The following ABCC1 variants were observed in gnomAD, a reference collection of about 807,000 sequenced individuals.
ABCC1 encodes multidrug resistance-associated protein 1.
Under a neutral mutation model 172.9 loss-of-function variants are expected in ABCC1, and 83 were observed. That is an observed-to-expected ratio of 0.48 (90% CI 0.40 to 0.58). The LOEUF (loss-of-function observed/expected upper bound fraction) is 0.58, where lower values mean the gene tolerates loss of function less well. ABCC1 is among the 20% of genes least tolerant of loss of function. The pLI, the probability that ABCC1 is intolerant of heterozygous loss-of-function variation, is 0.00. For synonymous variants in ABCC1, 937 were observed against 825.2 expected (o/e 1.14, Z -2.32); for missense variants, 1,817 against 2,002.7 (o/e 0.91, Z 1.77).
chr16:15,982,286 A>C (rs1308085314), intron 1 of ABCC1, among the ~76,000 whole-genome samples: 1 of 152,132 alleles, frequency 6.6e-6, no homozygotes, highest in Non-Finnish European at 1.5e-5. Context: ...GCTGCTATAA[A>C]GAACTGCCCA....
chr16:16,098,904 T>G (rs779585905), intron 19 of ABCC1: 1 of 1,352,054 alleles, frequency 7.4e-7, no homozygotes, highest in Non-Finnish European at 9.8e-7. Flanking sequence ...AGGAAGCAGG[T>G]CAGTACTGCC....
Position 16,132,026 on chromosome 16 carries a change from T to C in ABCC1, c.3966+91T>C, listed in dbSNP as rs2045696715. The stretch of plus-strand genomic sequence containing the variant: ...GAACCTAGCTGCAGCGTCTCCCCAG[T>C]CACTCACGGCTCCACACCTTTGCTT... On this transcript the variant is annotated intron_variant, in intron 27 of 30. Coordinates refer to ENST00000399410, the MANE Select transcript of ABCC1 (RefSeq NM_004996.4). 2.0e-6 allele frequency: 3 copies of C among 1,496,970 alleles called. No individual in the cohort carries two copies. In the Admixed American group the frequency reaches 5.7e-5, roughly 28 times the overall value. The allele number at this position is 1,496,970 out of a possible 1,614,324, so 92.7% of individuals were successfully genotyped here. A position where few individuals can be genotyped will look rare whatever the true frequency, so the allele number is the denominator to read the frequency against.
intron 1 of ABCC1, among the ~76,000 whole-genome samples, chr16:15,981,803 G>A (rs215056): frequency 0.63 from 96,170 of 151,982 alleles, 31,336 homozygotes; most frequent in South Asian, 0.73. Flanking sequence ...CCAGAAAATG[G>A]GTTTTTCTTT....
intron 3 of ABCC1, among the ~76,000 whole-genome samples, chr16:16,013,906 G>A (rs1183805015): frequency 6.6e-6 from 1 of 152,150 alleles, no homozygotes; most frequent in Non-Finnish European, 1.5e-5. Flanking sequence ...AGAGATGGCC[G>A]AGGCAGAGAG....
At position 16,015,131 on chromosome 16, in the gene ABCC1, C is replaced by CTTTT. The variant is rs10694441; in HGVS notation, c.489+518_489+521dup. Among the ~76,000 whole-genome samples the CTTTT allele has an allele frequency of 8.6e-3, 1,072 of 124,492 alleles. 24 individuals are homozygous for CTTTT. Among genetic ancestry groups the CTTTT allele is most frequent in the Middle Eastern group, 0.026 (6 of 234 alleles). 81.7% of individuals were successfully genotyped at this position (124,492 alleles called of 152,430 possible). ...TGCTAGGAATTTTGAGGAGTGTGCACTTTTTTTTTTTTTTTTTTGCTGTTG... is the reference window on the plus strand; with the variant it reads ...TGCTAGGAATTTTGAGGAGTGTGCACTTTTTTTTTTTTTTTTTTTTTTGCTGTTG... On this transcript the variant is annotated intron_variant, in intron 4 of 30. Transcript: ENST00000399410.
chr16:16,010,137 G>A (rs558253872), intron 3 of ABCC1, among the ~76,000 whole-genome samples: 1 of 134,478 alleles, frequency 7.4e-6, no homozygotes, highest in South Asian at 2.4e-4. Context: ...TCAAACTTCT[G>A]GCCTCAAGCA....
At chr16:15,997,275 T>C (rs2047090509) in intron 1 of ABCC1, among the ~76,000 whole-genome samples, 1 of 152,052 alleles carries the variant, frequency 6.6e-6, no homozygotes, top group South Asian at 2.1e-4. Context: ...GTATTTTTAG[T>C]AGAGACGGGG....
At chr16:16,133,372 T>TTTTTAGTTTTTG (rs1555504065) in intron 27 of ABCC1, among the ~76,000 whole-genome samples, 3 of 148,556 alleles carry the variant, frequency 2.0e-5, no homozygotes, top group African/African-American at 7.4e-5. Context: ...CTTGCTGTCT[T>TTTTTAGTTTTTG]TTTTTGTTTT....
At chr16:16,081,254 C>A (rs2050794697) in intron 16 of ABCC1, among the ~76,000 whole-genome samples, 1 of 152,120 alleles carries the variant, frequency 6.6e-6, no homozygotes, top group African/African-American at 2.4e-5. Context: ...TGGTTGGGTC[C>A]AAATTAATGA....
At chr16:16,129,586 G>A (rs2045595907) in intron 26 of ABCC1, among the ~76,000 whole-genome samples, 1 of 149,436 alleles carries the variant, frequency 6.7e-6, no homozygotes, top group South Asian at 2.1e-4. Flanking sequence ...CACCCAGACT[G>A]GAGTGTAGTG....
chr16:16,027,474 T>TC (rs908557529), intron 5 of ABCC1, among the ~76,000 whole-genome samples: 31 of 151,984 alleles, frequency 2.0e-4, no homozygotes, highest in Non-Finnish European at 4.4e-4. Context: ...TGGGGTTTTT[T>TC]CCCCCCCAAA....
chr16:16,034,787 T>C (rs1316551835), intron 6 of ABCC1, among the ~76,000 whole-genome samples: 1 of 151,726 alleles, frequency 6.6e-6, no homozygotes, highest in Non-Finnish European at 1.5e-5. Flanking sequence ...GGAGTTTCAC[T>C]GTGTTGTCCA....
chr16:16,068,025 C>T (rs569230223), intron 12 of ABCC1, 131 bp from the exon 13 acceptor site: 18 of 1,006,400 alleles, frequency 1.8e-5, no homozygotes, highest in Non-Finnish European at 2.5e-5. Flanking sequence ...GGTTTTTCCA[C>T]GAGCTCCAGC....
intron 5 of ABCC1, among the ~76,000 whole-genome samples, chr16:16,020,720 T>G (rs1438556973): frequency 1.3e-5 from 2 of 152,238 alleles, no homozygotes; most frequent in Admixed American, 1.3e-4. Context: ...GCAGGCATTC[T>G]TTCTTCCTAT....
At chr16:16,092,537 G>A (rs868631923) in intron 19 of ABCC1, among the ~76,000 whole-genome samples, 21 of 152,224 alleles carry the variant, frequency 1.4e-4, no homozygotes, top group Admixed American at 5.9e-4. Flanking sequence ...TTCAAGGTTC[G>A]TCTATGTTGT....
At chr16:16,005,933 G>A (rs987904088) in intron 1 of ABCC1, among the ~76,000 whole-genome samples, 2 of 151,656 alleles carry the variant, frequency 1.3e-5, no homozygotes, top group African/African-American at 4.8e-5. Context: ...AGCAGAGATT[G>A]CAGTGAGCTG....
intron 21 of ABCC1, among the ~76,000 whole-genome samples, chr16:16,110,580 G>A (rs2052342817): frequency 6.6e-6 from 1 of 152,056 alleles, no homozygotes; most frequent in African/African-American, 2.4e-5. Flanking sequence ...GTAGGCAAGG[G>A]GTTTCGCCAT....
At chr16:16,078,822 C>G (rs545557949) in intron 15 of ABCC1, among the ~76,000 whole-genome samples, 2 of 152,212 alleles carry the variant, frequency 1.3e-5, no homozygotes, top group East Asian at 3.9e-4. Flanking sequence ...GACCACAGGC[C>G]CTGCCACCAC....
chr16:16,119,800 T>C (rs2045071356), intron 23 of ABCC1, among the ~76,000 whole-genome samples: 2 of 152,104 alleles, frequency 1.3e-5, no homozygotes, highest in Admixed American at 6.5e-5. Flanking sequence ...GGTAACACAC[T>C]TGAGAGCGAT....
Sources: allele counts gnomAD v4.1 joint callset (sites outside exome capture counted in the v4.1 genomes callset), GRCh38; gene constraint gnomAD v4.1.1; transcripts MANE v1.5; gene names NCBI Gene and HGNC (gene_info 2026-07-23, HGNC 2026-07-21).